The following TEAD1 variants were observed in gnomAD, a reference collection of about 807,000 sequenced individuals.
TEAD1 encodes TEA domain transcription factor 1.
A neutral mutation model predicts 54.9 loss-of-function variants in TEAD1; 9 were observed. The ratio of observed to expected loss-of-function variants is 0.16; its 90% CI spans 0.10 to 0.29. The LOEUF is 0.29. Ranked by LOEUF, TEAD1 falls within the 10% of genes least tolerant of loss-of-function variation. The probability of loss-of-function intolerance (pLI) is 1.00; values close to 1 mark genes in which losing one functional copy is unlikely to be tolerated. For synonymous variants in TEAD1, 200 were observed against 187.8 expected, an observed-to-expected ratio of 1.07 and a Z score of -0.53; for missense variants, 387 against 535.9, an observed-to-expected ratio of 0.72 and a Z score of 2.74.
chr11:12,821,524 A>G (rs1470044370), intron 3 of TEAD1, among the ~76,000 whole-genome samples: 2 of 152,134 alleles, frequency 1.3e-5, no homozygotes, highest in Admixed American at 6.5e-5. Context: ...CAGCCTTTTT[A>G]TCTATTAAAT....
chr11:12,684,812 GGC>G (rs1368251275), intron 2 of TEAD1, among the ~76,000 whole-genome samples: 1 of 152,078 alleles, frequency 6.6e-6, no homozygotes, highest in Non-Finnish European at 1.5e-5. Context: ...GCTTCCTCTG[GGC>G]CTTAAATGTC....
intron 3 of TEAD1, among the ~76,000 whole-genome samples, chr11:12,801,730 C>T (rs1268656806): frequency 6.6e-6 from 1 of 152,154 alleles, no homozygotes; most frequent in Non-Finnish European, 1.5e-5. Context: ...TGTGCATTGT[C>T]GCCACAGAGT....
chr11:12,705,271 C>A (rs1943789791), intron 2 of TEAD1, among the ~76,000 whole-genome samples: 1 of 152,216 alleles, frequency 6.6e-6, no homozygotes, highest in Non-Finnish European at 1.5e-5. Flanking sequence ...TTATCTTGTT[C>A]TTCAGAATCC....
At chr11:12,915,757 T>C (rs1480601218) in intron 10 of TEAD1, among the ~76,000 whole-genome samples, 1 of 152,096 alleles carries the variant, frequency 6.6e-6, no homozygotes, top group Non-Finnish European at 1.5e-5. Flanking sequence ...GGCAGTAGAA[T>C]CTCTTGAACC....
chr11:12,828,291 G>A (rs1017029174), intron 3 of TEAD1: 18 of 152,358 alleles, frequency 1.2e-4, no homozygotes, highest in Middle Eastern at 3.4e-3. Context: ...TCGGTGCACA[G>A]TGTGGCGTCG....
Position 12,810,685 on chromosome 11 carries a change from C to T in TEAD1, c.202+46251C>T, listed in dbSNP as rs557454284. ...GTGTCCCCAGCAGTGGGATGCTGCC[C>T]AGCAGTAGGTCTTTCATGCTGACGA... On this transcript the variant is annotated intron_variant, in intron 3 of 12. Transcript: ENST00000527636. Among the ~76,000 whole-genome samples, 8 of 152,274 alleles carry T rather than the reference C, an allele frequency of 5.3e-5. No homozygotes were observed. In the South Asian group the frequency reaches 8.3e-4, roughly 16 times the overall value.
rs55647097 is a variant in TEAD1, at chr11:12,809,974, C to CTTTTTT, written c.202+45559_202+45564dup. ...AAAGAAAGAAAACTCTTTCCCCATT[C>CTTTTTT]TTTTTTTTTTTTTTTTTTTTTTTTG... On this transcript the variant is annotated intron_variant, in intron 3 of 12. Coordinates refer to ENST00000527636, the MANE Select transcript of TEAD1 (RefSeq NM_021961.6). Among the ~76,000 whole-genome samples the CTTTTTT allele has an allele frequency of 4.8e-4, 55 of 115,634 alleles. 1 individual carries two copies. Among genetic ancestry groups the CTTTTTT allele is most frequent in the African/African-American group, 5.5e-4 (15 of 27,064 alleles). The allele number at this position is 115,634 out of a possible 152,430, so 75.9% of individuals were successfully genotyped here.
At chr11:12,891,520 C>T (rs1301571246) in intron 9 of TEAD1, among the ~76,000 whole-genome samples, 1 of 152,184 alleles carries the variant, frequency 6.6e-6, no homozygotes, top group Admixed American at 6.5e-5. Context: ...ATGGTAATGA[C>T]TGGGTGTTGG....
At chr11:12,924,627 T>C (rs1354384375) in intron 10 of TEAD1, among the ~76,000 whole-genome samples, 2 of 152,150 alleles carry the variant, frequency 1.3e-5, no homozygotes, top group Non-Finnish European at 2.9e-5. Context: ...TCAAAGACCT[T>C]GTGGATCTTT....
intron 5 of TEAD1, among the ~76,000 whole-genome samples, chr11:12,872,856 C>G (rs1947781467): frequency 6.6e-6 from 1 of 152,162 alleles, no homozygotes; most frequent in Admixed American, 6.5e-5. Context: ...TACCTGGCCC[C>G]CGTAGACTGC....
chr11:12,860,538 A>G (rs763377647), intron 3 of TEAD1, among the ~76,000 whole-genome samples: 2 of 152,186 alleles, frequency 1.3e-5, no homozygotes, highest in Non-Finnish European at 2.9e-5. Flanking sequence ...GGACATTTTG[A>G]TGTTCGTCTT....
At chr11:12,774,195 G>T (rs914852284) in intron 3 of TEAD1, among the ~76,000 whole-genome samples, 1 of 152,162 alleles carries the variant, frequency 6.6e-6, no homozygotes, top group Admixed American at 6.5e-5. Flanking sequence ...TGAGATTAGA[G>T]ATGGAAAGAT....
chr11:12,701,785 C>A (rs985264649), intron 2 of TEAD1, among the ~76,000 whole-genome samples: 1 of 152,010 alleles, frequency 6.6e-6, no homozygotes, highest in Admixed American at 6.6e-5. Context: ...AGCTGGGAGT[C>A]CTGAGTTCCT....
intron 2 of TEAD1, among the ~76,000 whole-genome samples, chr11:12,686,695 G>T (rs1943341956): frequency 6.6e-6 from 1 of 152,118 alleles, no homozygotes; most frequent in Non-Finnish European, 1.5e-5. Flanking sequence ...ACTGTGTAAT[G>T]ATGTCCTATG....
intron 10 of TEAD1, among the ~76,000 whole-genome samples, chr11:12,917,770 G>C (rs754385255): frequency 1.6e-4 from 25 of 152,174 alleles, no homozygotes; most frequent in Non-Finnish European, 2.8e-4. Flanking sequence ...TCTGTTTCTA[G>C]AGCAAACAGG....
At chr11:12,758,944 G>A (rs533175896) in intron 2 of TEAD1, among the ~76,000 whole-genome samples, 1 of 152,158 alleles carries the variant, frequency 6.6e-6, no homozygotes, top group East Asian at 1.9e-4. Flanking sequence ...CAGGTGCTGT[G>A]TGGTCCTGTG....
intron 3 of TEAD1, among the ~76,000 whole-genome samples, chr11:12,788,110 C>T (rs1945717760): frequency 6.6e-6 from 1 of 150,958 alleles, no homozygotes; most frequent in Non-Finnish European, 1.5e-5. Flanking sequence ...CCACCACAGG[C>T]ACTCGCCACC....
At chr11:12,749,397 C>T (rs1180430856) in intron 2 of TEAD1, among the ~76,000 whole-genome samples, 1 of 152,130 alleles carries the variant, frequency 6.6e-6, no homozygotes, top group Non-Finnish European at 1.5e-5. Context: ...GAAATATATT[C>T]CCCCTGCCTG....
intron 3 of TEAD1, among the ~76,000 whole-genome samples, chr11:12,817,917 A>G (rs1946449350): frequency 6.6e-6 from 1 of 152,184 alleles, no homozygotes; most frequent in Admixed American, 6.5e-5. Context: ...TATACTGGAG[A>G]GGTTTCTTAC....
Sources: gnomAD v4.1 joint callset for allele counts (sites outside exome capture counted in the v4.1 genomes callset) on GRCh38, gnomAD v4.1.1 for gene constraint, MANE v1.5 for transcripts, NCBI Gene and HGNC (gene_info 2026-07-23, HGNC 2026-07-21) for gene names.